EGR4: variants seen among roughly 807,000 people sequenced by gnomAD.
EGR4 encodes early growth response 4.
A neutral mutation model predicts 25.4 loss-of-function variants in EGR4; 22 were observed. That is an observed-to-expected ratio of 0.87 (90% CI 0.62 to 1.24). The LOEUF is 1.24. EGR4 is among the 50% of genes most tolerant of loss of function. The pLI is 0.00. For missense variants in EGR4, 742 were observed against 702.9 expected (o/e 1.06, Z -0.63); for synonymous variants, 375 against 320.1 (o/e 1.17, Z -1.83).
rs1689097195 is a variant in EGR4 at position 73,291,474 on chromosome 2, AGAGGCCCAGCGAGTAAAAGCC to A, written c.1423_1443del (p.Gly475_Leu481del). On this transcript the variant is annotated inframe_deletion, in exon 2 of 2. Coordinates refer to ENST00000436467, the MANE Select transcript of EGR4 (RefSeq NM_001965.4). ...TCTCTTGCTCAGAGAGAAGCGAAGG[AGAGGCCCAGCGAGTAAAAGCC>A]GAGGCCCTTGAGCCGCTCCTCGGCG... The A allele has an allele frequency of 1.2e-6, 2 of 1,605,316 alleles. No homozygotes were observed.
Position 73,292,491 on chromosome 2 carries a change from C to G in EGR4, c.427G>C (p.Asp143His). Reference sequence around the variant, plus strand: ...GCGCCCAGATCCGGGGAGTAAAGGTCCGGCGGACCCGGCAGCAAGGCATCG... The same window carrying G: ...GCGCCCAGATCCGGGGAGTAAAGGTGCGGCGGACCCGGCAGCAAGGCATCG... ...GSDALLPGPP[D>H]LYSPDLGAAP... Residue 143 changes from aspartate (D) to histidine (H), a missense_variant, in exon 2 of 2, where the codon GAC becomes CAC. Transcript: ENST00000436467. 1 of 1,515,392 alleles carries G rather than the reference C, an allele frequency of 6.6e-7. No homozygotes were observed. The highest frequency in any genetic ancestry group is 2.3e-5 in the Admixed American group (1 of 42,844). 93.9% of individuals were successfully genotyped at this position (1,515,392 alleles called of 1,614,324 possible).
rs773544350 is a variant in EGR4 at position 73,291,885 on chromosome 2, G to C, written c.1033C>G (p.Pro345Ala). 1.3e-6 allele frequency: 2 copies of C among 1,573,054 alleles called. No individual in the cohort carries two copies. The highest frequency in any genetic ancestry group is 2.3e-5 in the East Asian group (1 of 42,900). Residue 345 changes from proline to alanine, a missense_variant, in exon 2 of 2, where the codon CCG (proline) becomes GCG (alanine). Transcript: ENST00000436467. ...TGGGGGAAAGGGGTGGGCGGCGGCG[G>C]CGGCACGGGTGGTGCAGCCACGCCA... Reference protein sequence around the residue: ...SSGVAAPPVPPPPPTPFPQAK... With the variant: ...SSGVAAPPVPAPPPTPFPQAK...
At position 73,292,714 on chromosome 2, in the gene EGR4, G is replaced by C. The variant is rs1441022668; in HGVS notation, c.204C>G (p.Phe68Leu). ...GGGGTGTGGGCGCAGGCCCCTCCAG[G>C]AAGCAGGAGTCGGCTAAGTCCCCAC... Reference protein sequence around the residue: ...GASGDLADSCFLEGPAPTPPP... With the variant: ...GASGDLADSCLLEGPAPTPPP... The change falls in exon 2 of 2, where the codon TTC becomes TTG. Residue 68 changes from phenylalanine to leucine, a missense_variant. By Grantham distance (22) the Phe-to-Leu change is conservative. Transcript: ENST00000436467. 2.0e-6 allele frequency: 3 copies of C among 1,490,092 alleles called. No homozygotes were observed. In the East Asian group the frequency reaches 7.3e-5, roughly 36 times the overall value. 92.3% of individuals were successfully genotyped at this position (1,490,092 alleles called of 1,614,324 possible). A position where few individuals can be genotyped will look rare whatever the true frequency, so the allele number is the denominator to read the frequency against.
chr2:73,291,926 T>A lies in EGR4; in HGVS notation c.992A>T (p.Asp331Val). 1 of 1,579,608 alleles carries A rather than the reference T, an allele frequency of 6.3e-7. No individual in the cohort carries two copies. Among genetic ancestry groups the A allele is most frequent in the Non-Finnish European group, 8.6e-7 (1 of 1,163,984 alleles). Reference sequence around the variant, plus strand: ...AGCCACGCCACTGCTTCCAGGGATGTCCGCCACCAGAGGTTTAGGGAAGTC... The same window carrying A: ...AGCCACGCCACTGCTTCCAGGGATGACCGCCACCAGAGGTTTAGGGAAGTC... The part of the protein sequence containing the change: ...AADFPKPLVA[D>V]IPGSSGVAAP... The change falls in exon 2 of 2, where the codon GAC (aspartate) becomes GTC (valine). Residue 331 changes from aspartate (D) to valine (V), a missense_variant. Physicochemically the swap from Asp to Val is radical, Grantham distance 152. Transcript: ENST00000436467.
Position 73,291,815 on chromosome 2 carries a change from G to T in EGR4, c.1103C>A (p.Thr368Lys). 1 of 1,591,834 alleles carries T rather than the reference G, an allele frequency of 6.3e-7. No homozygotes were observed. Among genetic ancestry groups the T allele is most frequent in the Non-Finnish European group, 8.5e-7 (1 of 1,174,200 alleles). Residue 368 changes from threonine to lysine, a missense_variant, in exon 2 of 2, where the codon ACG becomes AAG. Physicochemically the swap from Thr to Lys is moderately conservative, Grantham distance 78. Transcript: ENST00000436467. ...GTGCGGCCGCGGGCAGAAGCAGCGC[G>T]TGCTGCATTTGCCGCCGCGGCGCCC... ...RKGRRGGKCS[T>K]RCFCPRPHAK...
In EGR4 at chr2:73,293,390, T is replaced by G; in HGVS notation, c.-73A>C. The G allele has an allele frequency of 1.3e-6, 2 of 1,499,998 alleles. No individual in the cohort carries two copies. Among genetic ancestry groups the G allele is most frequent in the Non-Finnish European group, 1.8e-6 (2 of 1,127,416 alleles). 92.9% of individuals were successfully genotyped at this position (1,499,998 alleles called of 1,614,324 possible). On this transcript the variant is annotated 5_prime_UTR_variant, in exon 1 of 2. Transcript: ENST00000436467. ...GGGGGCGCGCGGGTGGCGGGGAGGCTGGCGGTAGGGGTTCCCCGCAGCGCA... is the reference window on the plus strand; with the variant it reads ...GGGGGCGCGCGGGTGGCGGGGAGGCGGGCGGTAGGGGTTCCCCGCAGCGCA...
rs761381177 is a variant in EGR4, at chr2:73,291,426, C to T, written c.*31G>A. On this transcript the variant is annotated 3_prime_UTR_variant, in exon 2 of 2. Transcript: ENST00000436467. ...CCCGGAACTCGTGCGCGCCGAACGG[C>T]GGCGCCCCAACCCATAAACCCATCT... The T allele has an allele frequency of 8.5e-6, 13 of 1,537,904 alleles. No homozygotes were observed. The East Asian group carries it at 2.5e-4, about 30-fold the overall frequency.
chr2:73,292,111 G>A lies in EGR4; in HGVS notation c.807C>T (p.Phe269=). ...CCCCTAAGTCACCCGGGGCCAGCGG[G>A]AAAGCGTCATAGGCCCCGCTGGGAT... ...RLYPSGAYDA[F]PLAPGDLGEG... is the part of the protein sequence containing the mutation. The change falls in exon 2 of 2, where the codon TTC becomes TTT. Residue 269 remains phenylalanine, a synonymous_variant. Transcript: ENST00000436467. 6.2e-7 allele frequency: 1 copy of A among 1,604,782 alleles called. No individual in the cohort carries two copies. Among genetic ancestry groups the A allele is most frequent in the Non-Finnish European group, 8.5e-7 (1 of 1,175,894 alleles).
At position 73,292,455 on chromosome 2, in the gene EGR4, G is replaced by C; in HGVS notation, c.463C>G (p.Pro155Ala). 1 of 1,504,400 alleles carries C rather than the reference G, an allele frequency of 6.6e-7. No individual in the cohort carries two copies. The highest frequency in any genetic ancestry group is 1.4e-5 in the South Asian group (1 of 73,194). The allele number at this position is 1,504,400 out of a possible 1,614,324, so 93.2% of individuals were successfully genotyped here. A position where few individuals can be genotyped will look rare whatever the true frequency, so the allele number is the denominator to read the frequency against. ...YSPDLGAAPF[P>A]EAFWEASPCA... ...GGCGAGGCCTCCCAGAACGCCTCTG[G>C]GAAAGGGGCAGCGCCCAGATCCGGG... Residue 155 changes from proline to alanine, a missense_variant, in exon 2 of 2, where the codon CCA (proline) becomes GCA (alanine). Pro to Ala is a conservative substitution (Grantham distance 27). Coordinates refer to ENST00000436467, the MANE Select transcript of EGR4 (RefSeq NM_001965.4).
rs760905025 is a variant in EGR4 at position 73,291,887 on chromosome 2, G to A, written c.1031C>T (p.Pro344Leu). Residue 344 changes from proline to leucine, a missense_variant, in exon 2 of 2, where the codon CCG becomes CTG. Physicochemically the swap from Pro to Leu is moderately conservative, Grantham distance 98. Transcript: ENST00000436467. ...GSSGVAAPPV[P>L]PPPPTPFPQA... ...GGGGAAAGGGGTGGGCGGCGGCGGC[G>A]GCACGGGTGGTGCAGCCACGCCACT... is the stretch of plus-strand genomic sequence containing the variant. The A allele has an allele frequency of 5.1e-6, 8 of 1,572,080 alleles. No homozygotes were observed. Among genetic ancestry groups the A allele is most frequent in the Non-Finnish European group, 6.9e-6 (8 of 1,162,204 alleles).
rs904009211 is a variant in EGR4 at position 73,293,046 on chromosome 2, C to T, written c.136+136G>A. ...CCCAGTGTGGGTGGGAATGGGGGTG[C>T]GCACCCCAGGACTCCTAAGCTTCCC... On this transcript the variant is annotated intron_variant, in intron 1 of 1. Coordinates refer to ENST00000436467, the MANE Select transcript of EGR4 (RefSeq NM_001965.4). 1.4e-5 allele frequency: 14 copies of T among 981,340 alleles called. No individual in the cohort carries two copies. The African/African-American group carries it at 1.9e-4, about 13-fold the overall frequency. The allele number at this position is 981,340 out of a possible 1,614,324, so 60.8% of individuals were successfully genotyped here.
rs1241655739 is a variant in EGR4, at chr2:73,291,965, C to T, written c.953G>A (p.Ser318Asn). 1 of 1,595,488 alleles carries T rather than the reference C, an allele frequency of 6.3e-7. No individual in the cohort carries two copies. The highest frequency in any genetic ancestry group is 8.5e-7 in the Non-Finnish European group (1 of 1,172,490). ...TTTAGGGAAGTCCGCCGCGGCGGCG[C>T]TGCGAAGGCCCAGCGGGGAAAGCTG... ...QPQLSPLGLR[S>N]AAAADFPKPL... Residue 318 changes from serine to asparagine, a missense_variant, in exon 2 of 2, where the codon AGC (serine) becomes AAC (asparagine). Coordinates refer to ENST00000436467, the MANE Select transcript of EGR4 (RefSeq NM_001965.4).
At position 73,291,608 on chromosome 2, in the gene EGR4, G is replaced by A. The variant is rs1158144875; in HGVS notation, c.1310C>T (p.Pro437Leu). ...GCGGCCGCACACGTCGCAAGCAAAA[G>A]GCTTCTCGCCGGTGTGGGTGCGCAC... ...THVRTHTGEKPFACDVCGRRF... is the reference protein window; with the variant it reads ...THVRTHTGEKLFACDVCGRRF... The change falls in exon 2 of 2, where the codon CCT (proline) becomes CTT (leucine). Residue 437 changes from proline to leucine, a missense_variant. By Grantham distance (98) the Pro-to-Leu change is moderately conservative. Coordinates refer to ENST00000436467, the MANE Select transcript of EGR4 (RefSeq NM_001965.4). The A allele has an allele frequency of 3.7e-6, 6 of 1,613,192 alleles. No individual in the cohort carries two copies. The Admixed American group carries it at 1.0e-4, about 27-fold the overall frequency.
At position 73,291,464 on chromosome 2, in the gene EGR4, G is replaced by A; in HGVS notation, c.1454C>T (p.Ser485Phe). 2 of 1,600,196 alleles carry A rather than the reference G, an allele frequency of 1.2e-6. No individual in the cohort carries two copies. Among genetic ancestry groups the A allele is most frequent in the Non-Finnish European group, 1.7e-6 (2 of 1,172,334 alleles). ...GFYSLGLSFA[S>F]L ...CATAAACCCATCTCTTGCTCAGAGAGAAGCGAAGGAGAGGCCCAGCGAGTA... is the reference window on the plus strand; with the variant it reads ...CATAAACCCATCTCTTGCTCAGAGAAAAGCGAAGGAGAGGCCCAGCGAGTA... The change falls in exon 2 of 2, where the codon TCT (serine) becomes TTT (phenylalanine). Residue 485 changes from serine to phenylalanine, a missense_variant. Ser to Phe is a radical substitution (Grantham distance 155). Transcript: ENST00000436467.
rs1385285378 is a variant in EGR4, at chr2:73,291,537, G to C, written c.1381C>G (p.Leu461Val). The C allele has an allele frequency of 1.9e-6, 3 of 1,613,264 alleles. No homozygotes were observed. The highest frequency in any genetic ancestry group is 2.5e-6 in the Non-Finnish European group (3 of 1,179,816). The change falls in exon 2 of 2, where the codon CTC (leucine) becomes GTC (valine). Residue 461 changes from leucine to valine, a missense_variant. Physicochemically the swap from Leu to Val is conservative, Grantham distance 32 (BLOSUM62 1). Transcript: ENST00000436467. The part of the protein sequence containing the change: ...DEKKRHSKVH[L>V]KQKARAEERL... ...TCCTCGGCGCGCGCCTTCTGCTTGA[G>C]GTGCACCTTGCTGTGCCGTTTCTTC... is the stretch of plus-strand genomic sequence containing the variant.
rs561568849 is a variant in EGR4 at position 73,293,413 on chromosome 2, G to T, written c.-96C>A. 1.0e-4 allele frequency: 156 copies of T among 1,519,810 alleles called. No individual in the cohort carries two copies. The East Asian group carries it at 3.6e-3, about 35-fold the overall frequency. The allele number at this position is 1,519,810 out of a possible 1,614,324, so 94.1% of individuals were successfully genotyped here. ...GCTGGCGGTAGGGGTTCCCCGCAGC[G>T]CACAGACCTAGGCGCCCGGGCTCCT... On this transcript the variant is annotated 5_prime_UTR_variant, in exon 1 of 2. Coordinates refer to ENST00000436467, the MANE Select transcript of EGR4 (RefSeq NM_001965.4).
rs1298394653 is a variant in EGR4 at position 73,291,696 on chromosome 2, T to G, written c.1222A>C (p.Lys408Gln). 1.2e-6 allele frequency: 2 copies of G among 1,608,078 alleles called. No homozygotes were observed. Residue 408 changes from lysine to glutamine, a missense_variant, in exon 2 of 2, where the codon AAA becomes CAA. Transcript: ENST00000436467. ...AGGCAGATGCGGCACTGGAAGGGTT[T>G]GTGGCCCGTGTGGATGCGCAGGTGG... Reference protein sequence around the residue: ...NRHLRIHTGHKPFQCRICLRN... With the variant: ...NRHLRIHTGHQPFQCRICLRN...
chr2:73,291,388 G>C lies in EGR4; in HGVS notation c.*69C>G. 5.9e-6 allele frequency: 9 copies of C among 1,516,510 alleles called. No individual in the cohort carries two copies. The highest frequency in any genetic ancestry group is 7.9e-6 in the Non-Finnish European group (9 of 1,135,072). 93.9% of individuals were successfully genotyped at this position (1,516,510 alleles called of 1,614,324 possible). ...GCGAGGAGGAGTTGGAAGAAGAGCGGGGAGGGGAACGGCCCGGAACTCGTG... is the reference window on the plus strand; with the variant it reads ...GCGAGGAGGAGTTGGAAGAAGAGCGCGGAGGGGAACGGCCCGGAACTCGTG... On this transcript the variant is annotated 3_prime_UTR_variant, in exon 2 of 2. Transcript: ENST00000436467.
chr2:73,292,213 T>TA lies in EGR4; in HGVS notation c.704dup (p.Ile236AsnfsTer6). On this transcript the variant is annotated frameshift_variant, in exon 2 of 2. Transcript: ENST00000436467. LOFTEE classifies it high-confidence loss of function. ...GCAAGTCCTCAATCTTGGTCCCTAT[T>TA]ACGGGAAAACGAGCCTCCGGGGCGG... 1.9e-6 allele frequency: 3 copies of TA among 1,598,512 alleles called. No homozygotes were observed. The South Asian group carries it at 3.4e-5, about 18-fold the overall frequency.
Sources: gnomAD v4.1 joint callset for allele counts on GRCh38, gnomAD v4.1.1 for gene constraint, MANE v1.5 for transcripts, NCBI Gene and HGNC (gene_info 2026-07-23, HGNC 2026-07-21) for gene names.